CEP15: variants seen among roughly 807,000 people sequenced by gnomAD.
The protein encoded by CEP15 is centrosomal protein 15.
the CEP15 span, chr3:62,320,607 A>G: frequency 9.8e-7 from 1 of 1,021,736 alleles, no homozygotes. Flanking sequence ...GGATGACTTA[A>G]AAATTTGCAA....
chr3:62,332,854 C>T, the CEP15 span, among the ~76,000 whole-genome samples: 3 of 151,988 alleles, frequency 2.0e-5, no homozygotes, highest in African/African-American at 7.2e-5. Flanking sequence ...TTGATAATTT[C>T]ATTGTAATAA....
At chr3:62,332,960 C>T in the CEP15 span, among the ~76,000 whole-genome samples, 1 of 152,034 alleles carries the variant, frequency 6.6e-6, no homozygotes, top group Non-Finnish European at 1.5e-5. Context: ...TAGCAATAAT[C>T]ATGAAGTTGG....
the CEP15 span, among the ~76,000 whole-genome samples, chr3:62,321,240 A>T: frequency 0.23 from 35,577 of 152,094 alleles, 4,513 homozygotes; most frequent in African/African-American, 0.3. The surrounding 1 kb of genome is among the most constrained non-coding windows in gnomAD (Gnocchi z 4.1). Context: ...CATATAAAAT[A>T]AGCATTTGAC....
the CEP15 span, among the ~76,000 whole-genome samples, chr3:62,328,021 G>C: frequency 2.0e-5 from 3 of 152,106 alleles, no homozygotes; most frequent in Admixed American, 6.5e-5. Context: ...AGTTATTCCA[G>C]GCTCATTGTG....
chr3:62,333,633 C>G, the CEP15 span: 1 of 286,250 alleles, frequency 3.5e-6, no homozygotes, highest in South Asian at 6.2e-5. The surrounding 1 kb of genome is among the most constrained non-coding windows in gnomAD (Gnocchi z 4.0). Context: ...AAGGTGGACT[C>G]TTTATTAATT....
chr3:62,335,863 T>C, the CEP15 span: 2 of 152,122 alleles, frequency 1.3e-5, no homozygotes, highest in Admixed American at 1.3e-4. Context: ...TTCTGGTATA[T>C]GAAATTATTA....
the CEP15 span, chr3:62,333,425 A>G: frequency 1.3e-6 from 2 of 1,599,258 alleles, no homozygotes; most frequent in Non-Finnish European, 1.7e-6. The surrounding 1 kb of genome is among the most constrained non-coding windows in gnomAD (Gnocchi z 4.0). Flanking sequence ...CCTGTTTAAT[A>G]AAGCTGAATG....
chr3:62,323,356 C>T, the CEP15 span, among the ~76,000 whole-genome samples: 2 of 152,094 alleles, frequency 1.3e-5, no homozygotes, highest in Non-Finnish European at 2.9e-5. Context: ...CTAAGCCTAG[C>T]CTGTGTTTCA....
chr3:62,323,710 C>T, the CEP15 span, among the ~76,000 whole-genome samples: 1 of 152,072 alleles, frequency 6.6e-6, no homozygotes, highest in Non-Finnish European at 1.5e-5. Flanking sequence ...ATATAAGGAA[C>T]ATAATGAACC....
the CEP15 span, among the ~76,000 whole-genome samples, chr3:62,327,544 C>G: frequency 2.6e-5 from 4 of 151,942 alleles, no homozygotes; most frequent in African/African-American, 9.7e-5. Context: ...AAGAACATTT[C>G]CATAATTCCT....
At chr3:62,321,935 C>G in the CEP15 span, 1 of 1,588,032 alleles carries the variant, frequency 6.3e-7, no homozygotes, top group Non-Finnish European at 8.6e-7. The surrounding 1 kb of genome is among the most constrained non-coding windows in gnomAD (Gnocchi z 4.1). Flanking sequence ...TCTAGAGTAT[C>G]ACAAAGATTA....
the CEP15 span, among the ~76,000 whole-genome samples, chr3:62,326,018 G>A: frequency 3.8e-5 from 4 of 105,284 alleles, no homozygotes; most frequent in African/African-American, 1.4e-4. Context: ...GTGAGACTTC[G>A]TCTCAAAAAA....
chr3:62,332,857 T>C, the CEP15 span, among the ~76,000 whole-genome samples: 1 of 152,132 alleles, frequency 6.6e-6, no homozygotes, highest in Admixed American at 6.6e-5. Context: ...ATAATTTCAT[T>C]GTAATAATTT....
the CEP15 span, among the ~76,000 whole-genome samples, chr3:62,323,302 C>T: frequency 6.6e-6 from 1 of 152,142 alleles, no homozygotes; most frequent in East Asian, 1.9e-4. Context: ...AGAGTTAAAA[C>T]ATCTTTGAGA....
the CEP15 span, among the ~76,000 whole-genome samples, chr3:62,332,376 T>G: frequency 6.6e-6 from 1 of 152,164 alleles, no homozygotes; most frequent in East Asian, 1.9e-4. Context: ...CTTTCAGAAC[T>G]GCTGTATTTA....
At chr3:62,326,729 G>A in the CEP15 span, among the ~76,000 whole-genome samples, 1 of 152,024 alleles carries the variant, frequency 6.6e-6, no homozygotes, top group Non-Finnish European at 1.5e-5. Context: ...AATAATTATC[G>A]AAACATGGCC....
the CEP15 span, chr3:62,331,431 G>A: frequency 3.2e-6 from 5 of 1,562,354 alleles, no homozygotes; most frequent in Admixed American, 1.7e-5. Context: ...TGTAAAAAGA[G>A]AGACCCTATC....
chr3:62,326,990 C>A, the CEP15 span, among the ~76,000 whole-genome samples: 2 of 152,322 alleles, frequency 1.3e-5, no homozygotes, highest in East Asian at 3.9e-4. Context: ...AATCTGTAGG[C>A]ATGTTTACAT....
chr3:62,322,693 A>T, the CEP15 span, among the ~76,000 whole-genome samples: 1 of 152,176 alleles, frequency 6.6e-6, no homozygotes, highest in African/African-American at 2.4e-5. The surrounding 1 kb of genome is among the most constrained non-coding windows in gnomAD (Gnocchi z 5.5). Context: ...TTAAAACCCT[A>T]AAGTTTGCTT....
Sources: gnomAD v4.1 joint callset for allele counts (sites outside exome capture counted in the v4.1 genomes callset) on GRCh38, gnomAD v4.1.1 for gene constraint, Gnocchi (gnomAD v3.1) non-coding constraint, MANE v1.5 for transcripts, NCBI Gene and HGNC (gene_info 2026-07-23, HGNC 2026-07-21) for gene names.